The following THADA variants were observed in gnomAD, a reference collection of about 807,000 sequenced individuals.
THADA encodes the protein THADA armadillo repeat containing.
Under a neutral mutation model 219.8 loss-of-function variants are expected in THADA, and 213 were observed. The observed-to-expected ratio is 0.97, with a 90% CI of 0.87 to 1.09. The LOEUF (loss-of-function observed/expected upper bound fraction) is 1.09. Ranked by LOEUF, THADA falls within the 50% of genes least tolerant of loss-of-function variation. The pLI is 0.00. For missense variants in THADA, 2,956 were observed against 2,311.3 expected (o/e 1.28, Z -5.72); for synonymous variants, 1,018 against 828.9 (o/e 1.23, Z -3.92).
Position 43,527,883 on chromosome 2 carries a change from T to C in THADA, c.3370A>G (p.Asn1124Asp), listed in dbSNP as rs773260735. The part of the protein sequence containing the change: ...TGFVKLTEVL[N>D]RCPNVSLQKL... ...ACAAAAGGATATTTGTTTTACCTGT[T>C]TAGTACTTCAGTGAGTTTCACAAAA... Residue 1124 changes from asparagine to aspartate, a missense_variant, in exon 22 of 38, where the codon AAC (asparagine) becomes GAC (aspartate). Coordinates refer to ENST00000405975, the MANE Select transcript of THADA (RefSeq NM_022065.5). 5.0e-6 allele frequency: 8 copies of C among 1,604,674 alleles called. No individual in the cohort carries two copies. The highest frequency in any genetic ancestry group is 1.1e-5 in the South Asian group (1 of 90,598).
intron 26 of THADA, among the ~76,000 whole-genome samples, chr2:43,462,751 C>T (rs1377877123): frequency 2.0e-5 from 3 of 152,030 alleles, no homozygotes; most frequent in Admixed American, 2.0e-4. Flanking sequence ...TTCCGTTCTC[C>T]CTCAGTGTTG....
chr2:43,294,357 C>T (rs189984599), intron 31 of THADA, among the ~76,000 whole-genome samples: 3 of 152,250 alleles, frequency 2.0e-5, no homozygotes, highest in East Asian at 3.9e-4. Flanking sequence ...CAAATGATAA[C>T]CTAGGCCTCA....
intron 25 of THADA, among the ~76,000 whole-genome samples, chr2:43,497,386 G>C (rs1688396772): frequency 6.6e-6 from 1 of 152,166 alleles, no homozygotes; most frequent in Non-Finnish European, 1.5e-5. Flanking sequence ...GTCCTTTGCA[G>C]GGACATGGAT....
chr2:43,344,096 C>G, intron 30 of THADA, 26 bp downstream of exon 30: 1 of 1,528,008 alleles, frequency 6.5e-7, no homozygotes, highest in Non-Finnish European at 9.0e-7. Flanking sequence ...CTGATAACTC[C>G]TTGCTCATGT....
intron 21 of THADA, among the ~76,000 whole-genome samples, chr2:43,536,722 T>A (rs1694653450): frequency 6.6e-6 from 1 of 151,972 alleles, no homozygotes; most frequent in Non-Finnish European, 1.5e-5. Context: ...TTAAAAAAAA[T>A]ATAAATATAT....
chr2:43,576,680 G>C (rs1022209616), intron 10 of THADA, among the ~76,000 whole-genome samples: 21 of 151,964 alleles, frequency 1.4e-4, no homozygotes, highest in African/African-American at 5.1e-4. Flanking sequence ...TTTAAGACAG[G>C]ATCTCACTCT....
chr2:43,576,094 A>C (rs1028071438), intron 10 of THADA, among the ~76,000 whole-genome samples: 7 of 152,246 alleles, frequency 4.6e-5, no homozygotes, highest in Non-Finnish European at 1.0e-4. Context: ...AAAAATTTTT[A>C]AAGAAAAAAT....
At chr2:43,536,229 C>A (rs377534808) in intron 21 of THADA, among the ~76,000 whole-genome samples, 10 of 152,110 alleles carry the variant, frequency 6.6e-5, no homozygotes, top group African/African-American at 1.9e-4. Context: ...AATGAGAGTT[C>A]GTGGAGCCTT....
intron 29 of THADA, among the ~76,000 whole-genome samples, chr2:43,358,590 T>G (rs2104580961): frequency 6.6e-6 from 1 of 152,302 alleles, no homozygotes; most frequent in South Asian, 2.1e-4. Context: ...TTTTCCAGAT[T>G]TTAGAGAGGC....
At chr2:43,381,072 C>T (rs1388867727) in intron 29 of THADA, among the ~76,000 whole-genome samples, 1 of 125,652 alleles carries the variant, frequency 8.0e-6, no homozygotes, top group Non-Finnish European at 1.6e-5. Flanking sequence ...CACTCCAGCC[C>T]GGGCGAGACA....
chr2:43,480,489 T>C (rs1686060887), intron 26 of THADA, among the ~76,000 whole-genome samples: 1 of 152,084 alleles, frequency 6.6e-6, no homozygotes, highest in African/African-American at 2.4e-5. Flanking sequence ...AAATGCTTGT[T>C]CAGTGGAGAA....
chr2:43,533,607 G>A (rs559692371), intron 21 of THADA, among the ~76,000 whole-genome samples: 1 of 152,296 alleles, frequency 6.6e-6, no homozygotes, highest in South Asian at 2.1e-4. Context: ...GGATGAAGCT[G>A]GAAGCCATCA....
chr2:43,595,175 G>A (rs1702007535), intron 1 of THADA, among the ~76,000 whole-genome samples: 1 of 152,204 alleles, frequency 6.6e-6, no homozygotes, highest in Non-Finnish European at 1.5e-5. Flanking sequence ...CAGGAAGGTG[G>A]ACTATCTGGT....
rs1395013983 is a variant in THADA at position 43,574,980 on chromosome 2, G to A, written c.1085C>T (p.Ser362Phe). Residue 362 changes from serine (S) to phenylalanine (F), a missense_variant, in exon 11 of 38, where the codon TCC becomes TTC. Transcript: ENST00000405975. ...LEMFLSRILASWTNSAIQVLE... is the reference protein window; with the variant it reads ...LEMFLSRILAFWTNSAIQVLE... The stretch of plus-strand genomic sequence containing the variant: ...GACTTGTATGGCTGAATTAGTCCAG[G>A]ATGCTAAGATTCTAGACAGAAACAT... 3.1e-6 allele frequency: 5 copies of A among 1,613,908 alleles called. No homozygotes were observed. The South Asian group carries it at 5.5e-5, about 18-fold the overall frequency.
chr2:43,448,527 G>A (rs769276355), intron 26 of THADA, among the ~76,000 whole-genome samples: 1 of 148,918 alleles, frequency 6.7e-6, no homozygotes, highest in Non-Finnish European at 1.5e-5. Flanking sequence ...CAACTTGCAA[G>A]GAATTTAAAG....
chr2:43,434,534 G>A (rs1307977224), intron 26 of THADA, among the ~76,000 whole-genome samples: 2 of 152,226 alleles, frequency 1.3e-5, no homozygotes, highest in Admixed American at 6.5e-5. Context: ...GACAAGAGGG[G>A]CACATGGGCG....
In THADA at chr2:43,504,293, C is replaced by T. The variant is rs1273646854; in HGVS notation, c.3621+1329G>A. Among the ~76,000 whole-genome samples the T allele has an allele frequency of 5.3e-5, 8 of 152,262 alleles. No individual in the cohort carries two copies. In the East Asian group the frequency reaches 1.5e-3, roughly 29 times the overall value. On this transcript the variant is annotated intron_variant, in intron 24 of 37. Coordinates refer to ENST00000405975, the MANE Select transcript of THADA (RefSeq NM_022065.5). ...TAAAGACATTTCATATCTATGGGTA[C>T]TGGCCACTATGTGCCATATGACTAT... is the stretch of plus-strand genomic sequence containing the variant.
At chr2:43,560,673 A>G (rs1187728209) in intron 15 of THADA, among the ~76,000 whole-genome samples, 1 of 152,176 alleles carries the variant, frequency 6.6e-6, no homozygotes, top group Non-Finnish European at 1.5e-5. Flanking sequence ...AAACAAGTAA[A>G]TTTAGAAACA....
intron 29 of THADA, among the ~76,000 whole-genome samples, chr2:43,356,185 G>A (rs1460351875): frequency 6.6e-6 from 1 of 152,122 alleles, no homozygotes; most frequent in Non-Finnish European, 1.5e-5. Context: ...TGAAAACATT[G>A]ATTCATTCAA....
Sources: allele counts gnomAD v4.1 joint callset (sites outside exome capture counted in the v4.1 genomes callset), GRCh38; gene constraint gnomAD v4.1.1; transcripts MANE v1.5; gene names NCBI Gene and HGNC (gene_info 2026-07-23, HGNC 2026-07-21).